The following SLC35F3 variants were observed in gnomAD, a reference collection of about 807,000 sequenced individuals.
SLC35F3 encodes the protein putative thiamine transporter SLC35F3.
A neutral mutation model predicts 49.9 loss-of-function variants in SLC35F3; 25 were observed. The ratio of observed to expected loss-of-function variants is 0.50; its 90% confidence interval spans 0.37 to 0.70. SLC35F3 has a LOEUF of 0.70. SLC35F3 is among the 30% of genes least tolerant of loss of function. The pLI is 0.00. For missense variants in SLC35F3, 525 were observed against 639.8 expected, an observed-to-expected ratio of 0.82 and a Z score of 1.94; for synonymous variants, 275 against 265.4, an observed-to-expected ratio of 1.04 and a Z score of -0.35.
At chr1:234,158,473 A>G (rs1558245365) in intron 2 of SLC35F3, among the ~76,000 whole-genome samples, 1 of 152,192 alleles carries the variant, frequency 6.6e-6, no homozygotes, top group Non-Finnish European at 1.5e-5. Context: ...ATAAATACAT[A>G]TTGAATACTT....
intron 2 of SLC35F3, among the ~76,000 whole-genome samples, chr1:234,181,804 T>C (rs1666561518): frequency 6.6e-6 from 1 of 152,246 alleles, no homozygotes; most frequent in South Asian, 2.1e-4. Context: ...TTTTGGTTTC[T>C]TTTTTAGGAT....
At chr1:233,930,757 C>G (rs1269765201) in intron 2 of SLC35F3, among the ~76,000 whole-genome samples, 3 of 152,022 alleles carry the variant, frequency 2.0e-5, no homozygotes, top group South Asian at 2.1e-4. Flanking sequence ...ATAAATTAAG[C>G]TGTAGAAAAG....
chr1:234,023,027 G>A lies in SLC35F3; in HGVS notation c.283+117269G>A, dbSNP rs4281378. On this transcript the variant is annotated intron_variant, in intron 2 of 7. Transcript: ENST00000366618. ...ACAGGGACTAACATCTAGGCTTGGA[G>A]GGAAATCAAAGAAGTTTCCCCAGAA... Among the ~76,000 whole-genome samples, 1,150 of 152,236 alleles carry A rather than the reference G, an allele frequency of 7.6e-3. 21 individuals are homozygous for A. Among genetic ancestry groups the A allele is most frequent in the African/African-American group, 0.026 (1,100 of 41,558 alleles).
intron 2 of SLC35F3, among the ~76,000 whole-genome samples, chr1:234,050,615 T>G (rs180867467): frequency 6.6e-6 from 1 of 152,238 alleles, no homozygotes; most frequent in Non-Finnish European, 1.5e-5. Context: ...GTAGTTTCTT[T>G]TGCTGTGCAG....
At chr1:234,165,297 A>T (rs1666297373) in intron 2 of SLC35F3, among the ~76,000 whole-genome samples, 1 of 152,082 alleles carries the variant, frequency 6.6e-6, no homozygotes, top group Non-Finnish European at 1.5e-5. Flanking sequence ...TGTCTGTTTC[A>T]TTCTGTCATC....
rs913801053 is a variant in SLC35F3, at chr1:234,170,819, CGCAATT to C, written c.284-60597_284-60592del. Among the ~76,000 whole-genome samples the C allele has an allele frequency of 1.6e-4, 25 of 152,286 alleles. 1 individual carries two copies. The highest frequency in any genetic ancestry group is 1.2e-3 in the South Asian group (6 of 4,820). On this transcript the variant is annotated intron_variant, in intron 2 of 7. Transcript: ENST00000366618. ...AAGAAGTACTTAACGGTTGCACGAA[CGCAATT>C]TCCTTTCCTCCCAAGTCACTTTGAT...
chr1:234,225,450 G>A (rs945619845), intron 2 of SLC35F3, among the ~76,000 whole-genome samples: 7 of 152,144 alleles, frequency 4.6e-5, no homozygotes, highest in Non-Finnish European at 1.0e-4. Context: ...ATGCAGTCTA[G>A]GAAAAAGGGG....
At position 233,929,114 on chromosome 1, in the gene SLC35F3, T is replaced by G. The variant is rs1258427205; in HGVS notation, c.283+23356T>G. 1.9e-4 allele frequency among the ~76,000 whole-genome samples: 25 copies of G among 129,746 alleles called. No homozygotes were observed. The Admixed American group carries it at 2.3e-3, about 12-fold the overall frequency. The allele number at this position is 129,746 out of a possible 152,430, so 85.1% of individuals were successfully genotyped here. ...CAGTACTCTGTCTACCATGAAACCATGGCAATCTGCAAATATAGTGAGGAG... is the reference window on the plus strand; with the variant it reads ...CAGTACTCTGTCTACCATGAAACCAGGGCAATCTGCAAATATAGTGAGGAG... On this transcript the variant is annotated intron_variant, in intron 2 of 7. Transcript: ENST00000366618.
intron 3 of SLC35F3, among the ~76,000 whole-genome samples, chr1:234,262,380 T>G (rs995453826): frequency 1.3e-5 from 2 of 152,204 alleles, no homozygotes; most frequent in Non-Finnish European, 2.9e-5. Flanking sequence ...TTGTTTGATA[T>G]GACTATAAGA....
intron 2 of SLC35F3, among the ~76,000 whole-genome samples, chr1:233,976,648 T>C (rs1330436666): frequency 6.6e-6 from 1 of 152,138 alleles, no homozygotes; most frequent in Non-Finnish European, 1.5e-5. Context: ...TTTCACTCTG[T>C]CACCCAGACT....
intron 2 of SLC35F3, among the ~76,000 whole-genome samples, chr1:234,083,653 G>A (rs988218638): frequency 6.6e-6 from 1 of 152,134 alleles, no homozygotes; most frequent in African/African-American, 2.4e-5. Flanking sequence ...GGCTGGATAA[G>A]CATTGGACTA....
intron 2 of SLC35F3, among the ~76,000 whole-genome samples, chr1:234,045,579 A>T (rs1458323217): frequency 6.6e-6 from 1 of 152,186 alleles, no homozygotes; most frequent in Non-Finnish European, 1.5e-5. Flanking sequence ...TAGCTCTAGA[A>T]CTTGCACTTG....
intron 2 of SLC35F3, among the ~76,000 whole-genome samples, chr1:234,105,798 G>A (rs1352079798): frequency 1.3e-5 from 2 of 152,162 alleles, no homozygotes; most frequent in African/African-American, 4.8e-5. Context: ...GTCCTTCCCT[G>A]CCCCATTGCT....
chr1:234,314,109 C>T (rs958094421), intron 4 of SLC35F3, among the ~76,000 whole-genome samples: 8 of 152,126 alleles, frequency 5.3e-5, no homozygotes, highest in African/African-American at 1.9e-4. Flanking sequence ...GCCTTGTGGG[C>T]GGGACCCCCA....
At chr1:233,948,114 G>A (rs1458191286) in intron 2 of SLC35F3, among the ~76,000 whole-genome samples, 1 of 150,766 alleles carries the variant, frequency 6.6e-6, no homozygotes, top group Non-Finnish European at 1.5e-5. Flanking sequence ...CCTCATGTGG[G>A]AACCAGGATG....
chr1:234,320,064 G>T lies in SLC35F3; in HGVS notation c.1148-34G>T. On this transcript the variant is annotated intron_variant, in intron 6 of 7. Transcript: ENST00000366618. This position sits in a 1 kb window ranked among gnomAD's most constrained non-coding sequence, Gnocchi z 4.8. ...GGGAGGTAAAGTACACAGCAGTCAT[G>T]AATAACACTCGTTGTTTACATTCTT... 1.4e-6 allele frequency: 2 copies of T among 1,471,128 alleles called. No individual in the cohort carries two copies. The highest frequency in any genetic ancestry group is 2.3e-5 in the South Asian group (2 of 88,120). 91.1% of individuals were successfully genotyped at this position (1,471,128 alleles called of 1,614,324 possible).
chr1:234,011,989 A>G (rs1663728272), intron 2 of SLC35F3, among the ~76,000 whole-genome samples: 1 of 152,138 alleles, frequency 6.6e-6, no homozygotes, highest in Non-Finnish European at 1.5e-5. Flanking sequence ...CTCAGTTTTT[A>G]TTGATTATTA....
rs1027879888 is a variant in SLC35F3 at position 233,967,997 on chromosome 1, G to A, written c.283+62239G>A. On this transcript the variant is annotated intron_variant, in intron 2 of 7. Coordinates refer to ENST00000366618, the MANE Select transcript of SLC35F3 (RefSeq NM_173508.4). The stretch of plus-strand genomic sequence containing the variant: ...TAAACCAAGTACCACAAACTGGATG[G>A]CTGAAAATAATAAACCGTGTTGTCT... 5.9e-5 allele frequency among the ~76,000 whole-genome samples: 9 copies of A among 152,298 alleles called. No homozygotes were observed. In the East Asian group the frequency reaches 1.5e-3, roughly 26 times the overall value.
At chr1:234,079,465 A>T (rs1572043779) in intron 2 of SLC35F3, among the ~76,000 whole-genome samples, 1 of 152,256 alleles carries the variant, frequency 6.6e-6, no homozygotes, top group Non-Finnish European at 1.5e-5. Context: ...GAGTAAAAAG[A>T]CAACCTACAG....
Sources: allele counts gnomAD v4.1 joint callset (sites outside exome capture counted in the v4.1 genomes callset), GRCh38; gene constraint gnomAD v4.1.1; non-coding constraint Gnocchi (gnomAD v3.1); transcripts MANE v1.5; gene names NCBI Gene and HGNC (gene_info 2026-07-23, HGNC 2026-07-21).